CA10: variants seen among roughly 807,000 people sequenced by gnomAD.
The protein encoded by CA10 is carbonic anhydrase 10 (inactive).
Under a neutral mutation model 44.2 loss-of-function variants are expected in CA10, and 14 were observed. The observed-to-expected ratio is 0.32, with a 90% CI of 0.21 to 0.50. The LOEUF (loss-of-function observed/expected upper bound fraction) is 0.50. CA10 is among the 20% of genes least tolerant of loss of function. The pLI is 0.99. For missense variants in CA10, 350 were observed against 409.7 expected, an observed-to-expected ratio of 0.85 and a Z score of 1.26; for synonymous variants, 159 against 141.6, an observed-to-expected ratio of 1.12 and a Z score of -0.87.
At chr17:51,956,883 C>T (rs1040613234) in intron 2 of CA10, among the ~76,000 whole-genome samples, 2 of 152,052 alleles carry the variant, frequency 1.3e-5, no homozygotes, top group African/African-American at 4.8e-5. Flanking sequence ...TACAGGGGCC[C>T]TTTAGCGTCT....
chr17:51,797,920 C>T (rs2143710617), intron 3 of CA10, among the ~76,000 whole-genome samples: 1 of 150,434 alleles, frequency 6.6e-6, no homozygotes, highest in South Asian at 2.1e-4. Flanking sequence ...TACCACACAT[C>T]CACGACTAGC....
chr17:52,114,323 C>T (rs1029192404), intron 1 of CA10, among the ~76,000 whole-genome samples: 11 of 152,132 alleles, frequency 7.2e-5, no homozygotes, highest in South Asian at 2.1e-4. Context: ...GTATAAACTC[C>T]GTAAGCATAG....
chr17:51,749,226 G>A (rs191940050), intron 3 of CA10, among the ~76,000 whole-genome samples: 1 of 152,222 alleles, frequency 6.6e-6, no homozygotes, highest in Non-Finnish European at 1.5e-5. Flanking sequence ...ATGTAATTTT[G>A]TAACTGCTGT....
intron 3 of CA10, among the ~76,000 whole-genome samples, chr17:51,851,720 T>C (rs1247321907): frequency 6.6e-6 from 1 of 152,188 alleles, no homozygotes; most frequent in East Asian, 1.9e-4. Flanking sequence ...TACATGGTCC[T>C]TGATAAATAT....
At chr17:52,033,674 A>G (rs369627935) in intron 2 of CA10, among the ~76,000 whole-genome samples, 2 of 152,302 alleles carry the variant, frequency 1.3e-5, no homozygotes, top group East Asian at 3.9e-4. Context: ...TATGTTCTAT[A>G]AGATACCATA....
chr17:51,892,060 G>A lies in CA10; in HGVS notation c.279+38930C>T, dbSNP rs1023586523. On this transcript the variant is annotated intron_variant, in intron 3 of 8. Transcript: ENST00000451037. ...TGGCATTCGCCAGAGAACTATTATG[G>A]TTTTTGAGCAGGGGAATAAAACACT... Among the ~76,000 whole-genome samples, 4 of 152,118 alleles carry A rather than the reference G, an allele frequency of 2.6e-5. No homozygotes were observed. The South Asian group carries it at 8.3e-4, about 31-fold the overall frequency.
At chr17:51,880,281 C>T (rs1308539980) in intron 3 of CA10, among the ~76,000 whole-genome samples, 3 of 152,104 alleles carry the variant, frequency 2.0e-5, no homozygotes, top group African/African-American at 7.2e-5. Flanking sequence ...GCCCCTTCCT[C>T]TTGGGAACTG....
chr17:51,873,705 G>T (rs1979921918), intron 3 of CA10, among the ~76,000 whole-genome samples: 1 of 152,224 alleles, frequency 6.6e-6, no homozygotes, highest in South Asian at 2.1e-4. Context: ...GCTGGCTGGG[G>T]TGGGCCTTTG....
intron 3 of CA10, among the ~76,000 whole-genome samples, chr17:51,872,050 T>C (rs1444841847): frequency 6.6e-6 from 1 of 152,178 alleles, no homozygotes; most frequent in African/African-American, 2.4e-5. Context: ...AATAGGATTT[T>C]TTTTATTGGT....
chr17:52,121,901 A>G (rs1026503967), intron 1 of CA10, among the ~76,000 whole-genome samples: 1 of 152,140 alleles, frequency 6.6e-6, no homozygotes, highest in Non-Finnish European at 1.5e-5. Context: ...GCCTTGACCT[A>G]CTCACTCGTC....
At chr17:51,916,329 G>T (rs913325228) in intron 3 of CA10, among the ~76,000 whole-genome samples, 15 of 152,192 alleles carry the variant, frequency 9.9e-5, no homozygotes, top group African/African-American at 3.6e-4. Context: ...GAAGGACTAT[G>T]GTCTTGGAGG....
At chr17:51,770,037 G>A (rs1905538599) in intron 3 of CA10, among the ~76,000 whole-genome samples, 1 of 152,010 alleles carries the variant, frequency 6.6e-6, no homozygotes, top group South Asian at 2.1e-4. Flanking sequence ...GGAGATCTAG[G>A]AGGCTTCCTC....
At chr17:52,054,428 C>G (rs910002395) in intron 2 of CA10, among the ~76,000 whole-genome samples, 1 of 152,004 alleles carries the variant, frequency 6.6e-6, no homozygotes, top group African/African-American at 2.4e-5. Flanking sequence ...CAATGCGTGC[C>G]CGAAACTTCA....
At chr17:51,735,539 TA>T (rs1261658004) in intron 4 of CA10, among the ~76,000 whole-genome samples, 20 of 117,620 alleles carry the variant, frequency 1.7e-4, no homozygotes, top group Admixed American at 1.1e-3. Context: ...GAATCTAAAA[TA>T]AAAGTTGAAA....
intron 1 of CA10, among the ~76,000 whole-genome samples, chr17:52,106,629 G>A (rs992452287): frequency 9.2e-5 from 14 of 152,120 alleles, no homozygotes; most frequent in Non-Finnish European, 1.3e-4. Flanking sequence ...CTTAATTAAG[G>A]AACTGTAACA....
At chr17:52,102,805 T>G (rs1460136751) in intron 1 of CA10, among the ~76,000 whole-genome samples, 1 of 152,178 alleles carries the variant, frequency 6.6e-6, no homozygotes, top group Non-Finnish European at 1.5e-5. Context: ...AGAATGTAAA[T>G]AAAATTTTCC....
upstream of CA10, among the ~76,000 whole-genome samples, chr17:52,158,918 C>A (rs369096779): frequency 1.3e-5 from 2 of 152,096 alleles, no homozygotes; most frequent in African/African-American, 4.8e-5. Flanking sequence ...GGAGGTGAGG[C>A]TGAGCGCGGC....
chr17:52,139,316 T>C (rs1311316673), intron 1 of CA10, among the ~76,000 whole-genome samples: 1 of 152,198 alleles, frequency 6.6e-6, no homozygotes, highest in Non-Finnish European at 1.5e-5. Flanking sequence ...TAAATAGTCT[T>C]GGATATCCAT....
chr17:52,016,820 G>T (rs924641434), intron 2 of CA10, among the ~76,000 whole-genome samples: 10 of 152,146 alleles, frequency 6.6e-5, no homozygotes, highest in Admixed American at 1.3e-4. Context: ...GGCTGAGGTG[G>T]GAGACTTGCT....
Sources: gnomAD v4.1 joint callset for allele counts (sites outside exome capture counted in the v4.1 genomes callset) on GRCh38, gnomAD v4.1.1 for gene constraint, MANE v1.5 for transcripts, NCBI Gene and HGNC (gene_info 2026-07-23, HGNC 2026-07-21) for gene names.